Variants in CENPP observed in about 807,000 individuals in gnomAD.
CENPP encodes the protein centromere protein P.
In CENPP, 24 loss-of-function variants were observed where a neutral mutation model predicts 35.6. That is an observed-to-expected ratio of 0.67 (90% CI 0.49 to 0.95). The LOEUF is 0.95. CENPP is among the 40% of genes least tolerant of loss of function. CENPP has a pLI of 0.00. For missense variants in CENPP, 332 were observed against 345.3 expected, an observed-to-expected ratio of 0.96 and a Z score of 0.31; for synonymous variants, 120 against 125.5, an observed-to-expected ratio of 0.96 and a Z score of 0.29.
chr9:92,395,488 T>A (rs1290336561), intron 5 of CENPP, among the ~76,000 whole-genome samples: 3 of 152,210 alleles, frequency 2.0e-5, no homozygotes, highest in African/African-American at 4.8e-5. Context: ...TGTAAGTTTG[T>A]GTGGACTTAA....
intron 3 of CENPP, among the ~76,000 whole-genome samples, chr9:92,338,561 G>GA (rs1841005931): frequency 6.6e-6 from 1 of 151,656 alleles, no homozygotes; most frequent in Non-Finnish European, 1.5e-5. Flanking sequence ...ATCATTATGA[G>GA]AAAAACAACT....
At chr9:92,493,619 A>G (rs1846231947) in intron 5 of CENPP, 1 of 152,630 alleles carries the variant, frequency 6.6e-6, no homozygotes, top group African/African-American at 2.4e-5. Flanking sequence ...GTAATTTTTG[A>G]AGCCAAACAG....
At chr9:92,518,745 C>T (rs1239871369) in intron 5 of CENPP, among the ~76,000 whole-genome samples, 1 of 151,966 alleles carries the variant, frequency 6.6e-6, no homozygotes. Flanking sequence ...AAAAATTAGC[C>T]GAGTATGGTG....
chr9:92,590,361 A>T (rs138004636), intron 5 of CENPP, among the ~76,000 whole-genome samples: 1 of 152,376 alleles, frequency 6.6e-6, no homozygotes, highest in Non-Finnish European at 1.5e-5. Context: ...TCCTCTTTCT[A>T]TTACAAATGT....
chr9:92,568,988 G>A (rs1286718157), intron 5 of CENPP, among the ~76,000 whole-genome samples: 1 of 152,110 alleles, frequency 6.6e-6, no homozygotes, highest in African/African-American at 2.4e-5. Context: ...TTAGCCCTTT[G>A]TCAGATGGGT....
Position 92,331,413 on chromosome 9 carries a change from C to G in CENPP, c.108-757C>G, listed in dbSNP as rs994349005. On this transcript the variant is annotated intron_variant, in intron 1 of 7. Transcript: ENST00000375587. ...GCCAGGATGGTCTTGATCTCCTGACCGCGTGATCCACCCGCCTTGGCTTCC... is the reference window on the plus strand; with the variant it reads ...GCCAGGATGGTCTTGATCTCCTGACGGCGTGATCCACCCGCCTTGGCTTCC... 3.3e-5 allele frequency among the ~76,000 whole-genome samples: 5 copies of G among 152,180 alleles called. No individual in the cohort carries two copies. In the South Asian group the frequency reaches 6.2e-4, roughly 19 times the overall value.
At chr9:92,413,340 G>A (rs1182611408) in intron 5 of CENPP, among the ~76,000 whole-genome samples, 1 of 152,066 alleles carries the variant, frequency 6.6e-6, no homozygotes, top group Non-Finnish European at 1.5e-5. Flanking sequence ...AGCAGCTGCA[G>A]TATTTACACT....
intron 4 of CENPP, among the ~76,000 whole-genome samples, chr9:92,375,958 G>A (rs1186384119): frequency 6.6e-6 from 1 of 150,664 alleles, no homozygotes; most frequent in Non-Finnish European, 1.5e-5. Context: ...TATTATGATG[G>A]GCAAAAAGGA....
At chr9:92,352,504 TGTATAC>T (rs1479016293) in intron 4 of CENPP, among the ~76,000 whole-genome samples, 1 of 102,938 alleles carries the variant, frequency 9.7e-6, no homozygotes, top group Non-Finnish European at 1.8e-5. Context: ...TGTGTGTGTG[TGTATAC>T]ATATATATAT....
chr9:92,469,855 G>A (rs745803000), intron 5 of CENPP, among the ~76,000 whole-genome samples: 13 of 152,166 alleles, frequency 8.5e-5, no homozygotes, highest in Non-Finnish European at 1.5e-4. Context: ...TGGAGACTTC[G>A]AAATGATTTT....
intron 5 of CENPP, among the ~76,000 whole-genome samples, chr9:92,391,447 C>G (rs10761155): frequency 0.37 from 56,181 of 151,374 alleles, 12,843 homozygotes; most frequent in African/African-American, 0.64. Flanking sequence ...TACAATAAAA[C>G]AAGTAACCAG....
chr9:92,390,611 C>T (rs1230082966), intron 5 of CENPP, among the ~76,000 whole-genome samples: 5 of 151,800 alleles, frequency 3.3e-5, no homozygotes, highest in Non-Finnish European at 7.4e-5. Flanking sequence ...CTTGCGTGTG[C>T]ATCACGTATA....
At chr9:92,372,668 T>C (rs1385575684) in intron 4 of CENPP, among the ~76,000 whole-genome samples, 1 of 152,224 alleles carries the variant, frequency 6.6e-6, no homozygotes, top group Admixed American at 6.5e-5. Flanking sequence ...GATGACTTTA[T>C]TTCTCTTTCA....
chr9:92,397,498 T>G (rs894426455), intron 5 of CENPP, among the ~76,000 whole-genome samples: 8 of 152,112 alleles, frequency 5.3e-5, no homozygotes, highest in African/African-American at 1.9e-4. Flanking sequence ...AGCTAATTTT[T>G]TTTGTATTTT....
intron 4 of CENPP, among the ~76,000 whole-genome samples, chr9:92,358,129 A>G (rs1347565139): frequency 6.6e-6 from 1 of 150,800 alleles, no homozygotes; most frequent in Non-Finnish European, 1.5e-5. Context: ...GGGATGTTTT[A>G]ACACTTTATT....
At chr9:92,474,743 T>TCAC in intron 5 of CENPP, 1 of 289,212 alleles carries the variant, frequency 3.5e-6, no homozygotes, top group Non-Finnish European at 4.7e-6. Flanking sequence ...AGAGTTGTCC[T>TCAC]CATCATCATC....
chr9:92,523,540 A>G (rs572215877), intron 5 of CENPP, among the ~76,000 whole-genome samples: 1 of 152,224 alleles, frequency 6.6e-6, no homozygotes, highest in South Asian at 2.1e-4. Flanking sequence ...CAAAAGGCCC[A>G]GAGTTCTGGT....
chr9:92,508,225 G>C (rs1847120838), intron 5 of CENPP, among the ~76,000 whole-genome samples: 1 of 152,222 alleles, frequency 6.6e-6, no homozygotes, highest in Non-Finnish European at 1.5e-5. Context: ...GTAGCTCTTA[G>C]AACTCAGCCC....
intron 4 of CENPP, among the ~76,000 whole-genome samples, chr9:92,375,082 C>T (rs1252348795): frequency 6.6e-6 from 1 of 152,052 alleles, no homozygotes; most frequent in Admixed American, 6.6e-5. Context: ...TGTATATTAA[C>T]TTTTTCATCC....
Sources: allele counts gnomAD v4.1 joint callset (sites outside exome capture counted in the v4.1 genomes callset), GRCh38; gene constraint gnomAD v4.1.1; transcripts MANE v1.5; gene names NCBI Gene and HGNC (gene_info 2026-07-23, HGNC 2026-07-21).